SYNGR2: variants seen among roughly 807,000 people sequenced by gnomAD.
SYNGR2 encodes synaptogyrin-2.
Under a neutral mutation model 18.7 loss-of-function variants are expected in SYNGR2, and 11 were observed. The ratio of observed to expected loss-of-function variants is 0.59; its 90% CI spans 0.37 to 0.97. SYNGR2 has a LOEUF of 0.97. Ranked by LOEUF, SYNGR2 falls within the 50% of genes least tolerant of loss-of-function variation. SYNGR2 has a pLI of 0.01. For missense variants in SYNGR2, 253 were observed against 300.7 expected (o/e 0.84, Z 1.17); for synonymous variants, 127 against 131.0 (o/e 0.97, Z 0.21).
Position 78,168,635 on chromosome 17 carries a change from G to C in SYNGR2, c.19G>C (p.Gly7Arg). MESGAY[G>R]AAKAGGSFDL... ...CGGCGACATGGAGAGCGGGGCCTAC[G>C]GCGCGGCCAAGGCGGGCGGCTCCTT... The change falls in exon 1 of 4, where the codon GGC becomes CGC. Residue 7 changes from glycine to arginine, a missense_variant. Transcript: ENST00000225777. The C allele has an allele frequency of 8.3e-7, 1 of 1,204,678 alleles. No individual in the cohort carries two copies. Among genetic ancestry groups the C allele is most frequent in the Non-Finnish European group, 1.0e-6 (1 of 970,510 alleles). 74.6% of individuals were successfully genotyped at this position (1,204,678 alleles called of 1,614,324 possible).
chr17:78,172,256 AC>A lies in SYNGR2; in HGVS notation c.*321del. On this transcript the variant is annotated 3_prime_UTR_variant, in exon 4 of 4. Transcript: ENST00000225777. ...GCCAGCAGGTGCCCATGTGCTACTG[AC>A]AAGTGCCTCAGCTTCCCCCCGGCCC... The A allele has an allele frequency of 1.8e-6, 1 of 550,082 alleles. No individual in the cohort carries two copies. The highest frequency in any genetic ancestry group is 3.2e-6 in the Non-Finnish European group (1 of 315,324). 34.1% of individuals were successfully genotyped at this position (550,082 alleles called of 1,614,324 possible).
intron 1 of SYNGR2, chr17:78,169,280 G>GGA (rs1156435302): frequency 1.4e-5 from 2 of 143,682 alleles, no homozygotes; most frequent in Admixed American, 6.9e-5. Context: ...GTGTGGCGGG[G>GGA]AGGGGGCCTG....
Position 78,171,704 on chromosome 17 carries a change from C to A in SYNGR2, c.478-35C>A, listed in dbSNP as rs749275067. 6.2e-7 allele frequency: 1 copy of A among 1,613,384 alleles called. No individual in the cohort carries two copies. On this transcript the variant is annotated intron_variant, in intron 3 of 3. Coordinates refer to ENST00000225777, the MANE Select transcript of SYNGR2 (RefSeq NM_004710.7). This position sits in a 1 kb window ranked among gnomAD's most constrained non-coding sequence, Gnocchi z 6.6. ...CAAGGGTGGTGGAGGGTGGGGTCCC[C>A]CACCCACCTGTACCCTGCTGTGCTC...
chr17:78,170,834 G>A lies in SYNGR2; in HGVS notation c.117G>A (p.Val39=), dbSNP rs762759134. The A allele has an allele frequency of 6.2e-7, 1 of 1,611,088 alleles. No individual in the cohort carries two copies. Among genetic ancestry groups the A allele is most frequent in the Admixed American group, 1.7e-5 (1 of 60,006 alleles). Residue 39 remains valine, a synonymous_variant, in exon 2 of 4, where the codon GTG becomes GTA. Coordinates refer to ENST00000225777, the MANE Select transcript of SYNGR2 (RefSeq NM_004710.7). ...RAVCLVFALI[V]FSCIYGEGYS... ...CCCGGCAGGTCTTCGCCTTGATCGTGTTCTCCTGCATCTATGGTGAGGGCT... is the reference window on the plus strand; with the variant it reads ...CCCGGCAGGTCTTCGCCTTGATCGTATTCTCCTGCATCTATGGTGAGGGCT...
chr17:78,171,805 G>A lies in SYNGR2; in HGVS notation c.544G>A (p.Val182Ile), dbSNP rs1275188902. 24 of 1,613,926 alleles carry A rather than the reference G, an allele frequency of 1.5e-5. No homozygotes were observed. The highest frequency in any genetic ancestry group is 1.8e-5 in the Non-Finnish European group (21 of 1,179,994). The change falls in exon 4 of 4, where the codon GTT (valine) becomes ATT (isoleucine). Residue 182 changes from valine (V) to isoleucine (I), a missense_variant. Physicochemically the swap from Val to Ile is conservative, Grantham distance 29. Transcript: ENST00000225777. The surrounding 1 kb of genome is among the most constrained non-coding windows in gnomAD (Gnocchi z 6.6). The part of the protein sequence containing the change: ...AGVDDFIQNY[V>I]DPTPDPNTAY... ...CGTGGACGACTTCATCCAGAATTAC[G>A]TTGACCCCACTCCGGACCCCAACAC...
chr17:78,171,367 C>T lies in SYNGR2; in HGVS notation c.338-143C>T. On this transcript the variant is annotated intron_variant, in intron 2 of 3. Transcript: ENST00000225777. This position sits in a 1 kb window ranked among gnomAD's most constrained non-coding sequence, Gnocchi z 6.6. ...AGTGTGGGGGACTTTGGAGGTGGCT[C>T]CCGGCCCGGCTTCCAAGTCCTCCCC... The T allele has an allele frequency of 1.9e-6, 2 of 1,072,448 alleles. No homozygotes were observed. The highest frequency in any genetic ancestry group is 2.6e-6 in the Non-Finnish European group (2 of 766,682). The allele number at this position is 1,072,448 out of a possible 1,614,324, so 66.4% of individuals were successfully genotyped here.
chr17:78,170,710 G>A (rs1225847722), intron 1 of SYNGR2, 107 bp from the exon 2 acceptor site: 2 of 938,052 alleles, frequency 2.1e-6, no homozygotes, highest in South Asian at 1.5e-5. Flanking sequence ...ACCCAAAAGG[G>A]GACAGCAGTA....
intron 1 of SYNGR2, chr17:78,169,240 C>T (rs985603816): frequency 7.4e-6 from 1 of 134,724 alleles, no homozygotes; most frequent in African/African-American, 3.1e-5. Context: ...GTGGGCAATA[C>T]CTCCAAAACC....
rs1598961282 is a variant in SYNGR2 at position 78,172,203 on chromosome 17, A to C, written c.*267A>C. The C allele has an allele frequency of 1.4e-6, 1 of 729,250 alleles. No homozygotes were observed. The highest frequency in any genetic ancestry group is 2.1e-6 in the Non-Finnish European group (1 of 465,230). The allele number at this position is 729,250 out of a possible 1,614,324, so 45.2% of individuals were successfully genotyped here. Reference sequence around the variant, plus strand: ...CTAGTGTTTTTCCTCGCTTTTAATGACCTCAGCCCCGCCTGCAGTGGCTAG... The same window carrying C: ...CTAGTGTTTTTCCTCGCTTTTAATGCCCTCAGCCCCGCCTGCAGTGGCTAG... On this transcript the variant is annotated 3_prime_UTR_variant, in exon 4 of 4. Coordinates refer to ENST00000225777, the MANE Select transcript of SYNGR2 (RefSeq NM_004710.7).
intron 1 of SYNGR2, 113 bp downstream of exon 1, chr17:78,168,828 C>G: frequency 1.1e-6 from 1 of 948,864 alleles, no homozygotes. Flanking sequence ...GCGTCCGGGG[C>G]CTGGCGGCGA....
rs531117860 is a variant in SYNGR2, at chr17:78,171,073, T to A, written c.337+19T>A. 1 of 1,607,406 alleles carries A rather than the reference T, an allele frequency of 6.2e-7. No homozygotes were observed. The highest frequency in any genetic ancestry group is 1.7e-5 in the Admixed American group (1 of 59,884). Reference sequence around the variant, plus strand: ...TTCTCAGGTATCTGCCTGTGGCACCTCCATTTGATCTTGGGGGAGGCATTA... The same window carrying A: ...TTCTCAGGTATCTGCCTGTGGCACCACCATTTGATCTTGGGGGAGGCATTA... On this transcript the variant is annotated intron_variant, in intron 2 of 3. Coordinates refer to ENST00000225777, the MANE Select transcript of SYNGR2 (RefSeq NM_004710.7). The surrounding 1 kb of genome is among the most constrained non-coding windows in gnomAD (Gnocchi z 6.6).
Position 78,171,393 on chromosome 17 carries a change from TC to T in SYNGR2, c.338-115del. 1 of 1,311,798 alleles carries T rather than the reference TC, an allele frequency of 7.6e-7. No individual in the cohort carries two copies. The highest frequency in any genetic ancestry group is 2.4e-5 in the East Asian group (1 of 41,526). 81.3% of individuals were successfully genotyped at this position (1,311,798 alleles called of 1,614,324 possible). Reference sequence around the variant, plus strand: ...CCGGCCCGGCTTCCAAGTCCTCCCCTCCATAGTGTGGAGGCTCCCCCGGGAG... The same window carrying T: ...CCGGCCCGGCTTCCAAGTCCTCCCCTCATAGTGTGGAGGCTCCCCCGGGAG... On this transcript the variant is annotated intron_variant, in intron 2 of 3. Transcript: ENST00000225777. This position sits in a 1 kb window ranked among gnomAD's most constrained non-coding sequence, Gnocchi z 6.6.
rs759610262 is a variant in SYNGR2 at position 78,171,845 on chromosome 17, A to G, written c.584A>G (p.Tyr195Cys). Reference sequence around the variant, plus strand: ...GACCCCAACACTGCCTACGCCTCCTACCCAGGTGCATCTGTGGACAACTAC... The same window carrying G: ...GACCCCAACACTGCCTACGCCTCCTGCCCAGGTGCATCTGTGGACAACTAC... ...TPDPNTAYAS[Y>C]PGASVDNYQQ... Residue 195 changes from tyrosine (Y) to cysteine (C), a missense_variant, in exon 4 of 4, where the codon TAC becomes TGC. Tyr to Cys is a radical substitution (Grantham distance 194). Coordinates refer to ENST00000225777, the MANE Select transcript of SYNGR2 (RefSeq NM_004710.7). This position sits in a 1 kb window ranked among gnomAD's most constrained non-coding sequence, Gnocchi z 6.6. The G allele has an allele frequency of 2.5e-6, 4 of 1,613,798 alleles. No individual in the cohort carries two copies. The highest frequency in any genetic ancestry group is 1.7e-5 in the Admixed American group (1 of 59,996).
In SYNGR2 at chr17:78,169,115, G is replaced by T. The variant is rs776966937; in HGVS notation, c.99+400G>T. On this transcript the variant is annotated intron_variant, in intron 1 of 3. Coordinates refer to ENST00000225777, the MANE Select transcript of SYNGR2 (RefSeq NM_004710.7). ...CGAAGCCACGTGGGGTAAGGGAGGG[G>T]GCGGGGGGCGACCCAACGCCCGGAA... 148 of 154,634 alleles carry T rather than the reference G, an allele frequency of 9.6e-4. 1 individual carries two copies. Among genetic ancestry groups the T allele is most frequent in the Non-Finnish European group, 1.7e-3 (119 of 69,614 alleles). The allele number at this position is 154,634 out of a possible 1,614,324, so 9.6% of individuals were successfully genotyped here. A position where few individuals can be genotyped will look rare whatever the true frequency, so the allele number is the denominator to read the frequency against.
In SYNGR2 at chr17:78,171,190, T is replaced by A. The variant is rs2075655969; in HGVS notation, c.337+136T>A. ...CCAGGGCATTTTTAGGAAAGGGTTT[T>A]CAGCTAGTGTTTTTCCGTGCTTGAA... On this transcript the variant is annotated intron_variant, in intron 2 of 3. Transcript: ENST00000225777. The surrounding 1 kb of genome is among the most constrained non-coding windows in gnomAD (Gnocchi z 6.6). The A allele has an allele frequency of 2.3e-6, 2 of 884,088 alleles. No homozygotes were observed. The highest frequency in any genetic ancestry group is 5.0e-5 in the East Asian group (2 of 40,198). The allele number at this position is 884,088 out of a possible 1,614,324, so 54.8% of individuals were successfully genotyped here.
In SYNGR2 at chr17:78,169,276, C is replaced by CG. The variant is rs112057394; in HGVS notation, c.99+565dup. 7.6e-5 allele frequency: 10 copies of CG among 132,034 alleles called. 1 individual carries two copies. The highest frequency in any genetic ancestry group is 4.4e-4 in the East Asian group (2 of 4,554). 8.2% of individuals were successfully genotyped at this position (132,034 alleles called of 1,614,324 possible). A position where few individuals can be genotyped will look rare whatever the true frequency, so the allele number is the denominator to read the frequency against. On this transcript the variant is annotated intron_variant, in intron 1 of 3. Transcript: ENST00000225777. Reference sequence around the variant, plus strand: ...AGGTTTTGTGTGTGTGTGTGTGTGGCGGGGAGGGGGCCTGTTCTTGGACAG... The same window carrying CG: ...AGGTTTTGTGTGTGTGTGTGTGTGGCGGGGGAGGGGGCCTGTTCTTGGACAG...
At chr17:78,170,722 T>C in intron 1 of SYNGR2, 95 bp from the exon 2 acceptor site, 2 of 1,035,780 alleles carry the variant, frequency 1.9e-6, no homozygotes, top group East Asian at 2.4e-5. Context: ...ACAGCAGTAG[T>C]GGGAGAGGCC....
chr17:78,170,720 A>T (rs993475828), intron 1 of SYNGR2, 97 bp from the exon 2 acceptor site: 6 of 1,002,914 alleles, frequency 6.0e-6, no homozygotes, highest in Non-Finnish European at 9.1e-6. Context: ...GGACAGCAGT[A>T]GTGGGAGAGG....
chr17:78,168,864 G>A, intron 1 of SYNGR2, 149 bp downstream of exon 1: 1 of 633,770 alleles, frequency 1.6e-6, no homozygotes, highest in Non-Finnish European at 2.1e-6. Context: ...AGCGTCCCGG[G>A]CCCCGCCTTC....
Sources: allele counts gnomAD v4.1 joint callset, GRCh38; gene constraint gnomAD v4.1.1; non-coding constraint Gnocchi (gnomAD v3.1); transcripts MANE v1.5; gene names NCBI Gene and HGNC (gene_info 2026-07-23, HGNC 2026-07-21).